Variants in PSD4 observed in about 807,000 individuals in gnomAD.
The protein encoded by PSD4 is PH and SEC7 domain-containing protein 4.
A neutral mutation model predicts 112.5 loss-of-function variants in PSD4; 59 were observed. That is an observed-to-expected ratio of 0.52 (90% CI 0.43 to 0.65). PSD4 has a LOEUF of 0.65. PSD4 is among the 30% of genes least tolerant of loss of function. PSD4 has a pLI of 0.00. For missense variants in PSD4, 1,267 were observed against 1,352.6 expected (o/e 0.94, Z 0.99); for synonymous variants, 533 against 540.0 (o/e 0.99, Z 0.18).
At chr2:113,181,640 C>T (rs60122815) in intron 1 of PSD4, among the ~76,000 whole-genome samples, 1 of 152,308 alleles carries the variant, frequency 6.6e-6, no homozygotes, top group African/African-American at 2.4e-5. Context: ...AGCAGGCAGT[C>T]TGCTGGGTGG....
chr2:113,184,180 T>C (rs569268510), intron 2 of PSD4, among the ~76,000 whole-genome samples: 1 of 152,124 alleles, frequency 6.6e-6, no homozygotes, highest in African/African-American at 2.4e-5. Context: ...AGTGTGGCTG[T>C]AATTTTCTAA....
intron 5 of PSD4, among the ~76,000 whole-genome samples, chr2:113,188,771 G>A (rs45488697): frequency 0.47 from 70,951 of 151,798 alleles, 19,477 homozygotes; most frequent in Middle Eastern, 0.68. Flanking sequence ...TAGTAGAGAC[G>A]GGGTTTCCCC....
chr2:113,177,937 G>A (rs1238919115), intron 1 of PSD4, among the ~76,000 whole-genome samples: 1 of 152,156 alleles, frequency 6.6e-6, no homozygotes, highest in Non-Finnish European at 1.5e-5. Flanking sequence ...GTCATAGCCG[G>A]CCAGGTGCTG....
Position 113,198,871 on chromosome 2 carries a change from C to G in PSD4, c.2756C>G (p.Ala919Gly). ...CGGCCCATCCTGCCCGTGGGCCCCG[C>G]CCAGAGCTCCCTGGTACGGCCTCCG... ...FVRPILPVGP[A>G]QSSLEEQHRS... The change falls in exon 15 of 17, where the codon GCC becomes GGC. Residue 919 changes from alanine to glycine, a missense_variant. Physicochemically the swap from Ala to Gly is moderately conservative, Grantham distance 60. Around this residue, in one of 2 missense-constraint regions of PSD4, gnomAD observed 544 missense variants for 648.6 expected, o/e 0.84. Coordinates refer to ENST00000245796, the MANE Select transcript of PSD4 (RefSeq NM_012455.3). The G allele has an allele frequency of 6.3e-7, 1 of 1,590,900 alleles. No individual in the cohort carries two copies. The highest frequency in any genetic ancestry group is 8.5e-7 in the Non-Finnish European group (1 of 1,175,540).
Position 113,198,814 on chromosome 2 carries a change from C to T in PSD4, c.2699C>T (p.Pro900Leu). ...AAATHSAPPF[P>L]AAVGSQRRFV... ...GCCACGCACTCCGCGCCGCCCTTCC[C>T]CGCCGCTGTGGGCTCCCAGCGCAGA... Residue 900 changes from proline to leucine, a missense_variant, in exon 15 of 17, where the codon CCC becomes CTC. Around this residue, in one of 2 missense-constraint regions of PSD4, gnomAD observed 544 missense variants for 648.6 expected, o/e 0.84. Transcript: ENST00000245796. 1 of 1,594,212 alleles carries T rather than the reference C, an allele frequency of 6.3e-7. No individual in the cohort carries two copies. The highest frequency in any genetic ancestry group is 8.5e-7 in the Non-Finnish European group (1 of 1,174,566).
intron 1 of PSD4, among the ~76,000 whole-genome samples, chr2:113,174,395 G>A (rs749227868): frequency 1.7e-4 from 26 of 152,350 alleles, no homozygotes; most frequent in Admixed American, 5.9e-4. Context: ...GGTGAAGGAA[G>A]CTCCTTGCTA....
In PSD4 at chr2:113,192,694, G is replaced by C. The variant is rs45540641; in HGVS notation, c.1838+105G>C. On this transcript the variant is annotated intron_variant, in intron 6 of 16. Coordinates refer to ENST00000245796, the MANE Select transcript of PSD4 (RefSeq NM_012455.3). ...ACCCTCCCCTTCCCGTCCCTGCCCT[G>C]TTCCCTTCCCATCTCCCCTCCTAAC... The C allele has an allele frequency of 3.4e-3, 4,153 of 1,214,558 alleles. 121 individuals are homozygous for C. The African/African-American group carries it at 0.058, about 17-fold the overall frequency. The allele number at this position is 1,214,558 out of a possible 1,614,324, so 75.2% of individuals were successfully genotyped here.
rs1382036205 is a variant in PSD4, at chr2:113,199,153, A to C, written c.2840A>C (p.Asn947Thr). ...AADDLLDLQR[N>T]LPERRGRGRE... ...GACGACCTGCTGGATCTACAGAGGAACCTGCCGGAGCGGCGGGGCCGTGGC... is the reference window on the plus strand; with the variant it reads ...GACGACCTGCTGGATCTACAGAGGACCCTGCCGGAGCGGCGGGGCCGTGGC... Residue 947 changes from asparagine (N) to threonine (T), a missense_variant, in exon 16 of 17, where the codon AAC becomes ACC. Transcript: ENST00000245796. 1.3e-6 allele frequency: 2 copies of C among 1,528,094 alleles called. No individual in the cohort carries two copies. The highest frequency in any genetic ancestry group is 1.7e-4 in the Middle Eastern group (1 of 5,950). 94.7% of individuals were successfully genotyped at this position (1,528,094 alleles called of 1,614,324 possible).
intron 5 of PSD4, among the ~76,000 whole-genome samples, chr2:113,192,108 G>A (rs1002496073): frequency 7.2e-5 from 11 of 151,804 alleles, no homozygotes; most frequent in African/African-American, 2.4e-4. Context: ...CCTGCCACCT[G>A]AGGTGAGATA....
Position 113,182,994 on chromosome 2 carries a change from C to T in PSD4, c.538C>T (p.Leu180Phe), listed in dbSNP as rs760178639. 1 of 1,614,158 alleles carries T rather than the reference C, an allele frequency of 6.2e-7. No homozygotes were observed. Among genetic ancestry groups the T allele is most frequent in the African/African-American group, 1.3e-5 (1 of 75,046 alleles). ...GGAGGAGCTGGAGAAGACGGAAGGG[C>T]TCAAGGCTGGGCTGAAATGCTGTCT... Reference protein sequence around the residue: ...LEEELEKTEGLKAGLKCCLPT... With the variant: ...LEEELEKTEGFKAGLKCCLPT... The change falls in exon 2 of 17, where the codon CTC (leucine) becomes TTC (phenylalanine). Residue 180 changes from leucine (L) to phenylalanine (F), a missense_variant. Physicochemically the swap from Leu to Phe is conservative, Grantham distance 22. This residue lies in a region of PSD4 where 723 missense variants were observed against 704.0 expected (regional missense o/e 1.03). Transcript: ENST00000245796.
At position 113,193,951 on chromosome 2, in the gene PSD4, A is replaced by G. The variant is rs576259350; in HGVS notation, c.2181+3A>G. On this transcript the variant is annotated splice_donor_region_variant and intron_variant, in intron 10 of 16. Coordinates refer to ENST00000245796, the MANE Select transcript of PSD4 (RefSeq NM_012455.3). ...ACTTCCCCAAGGAGCTGCTGAAGGTATGTGCCACGGGGTCTTCTTATGAGC... is the reference window on the plus strand; with the variant it reads ...ACTTCCCCAAGGAGCTGCTGAAGGTGTGTGCCACGGGGTCTTCTTATGAGC... The G allele has an allele frequency of 1.2e-6, 2 of 1,613,848 alleles. No individual in the cohort carries two copies. Among genetic ancestry groups the G allele is most frequent in the South Asian group, 2.2e-5 (2 of 91,080 alleles).
In PSD4 at chr2:113,182,431, A is replaced by G. The variant is rs1380379643; in HGVS notation, c.-26A>G. The G allele has an allele frequency of 1.3e-6, 2 of 1,564,376 alleles. No individual in the cohort carries two copies. The highest frequency in any genetic ancestry group is 4.5e-5 in the East Asian group (2 of 44,314). ...ACCGTGAAAGCAGATGCTCCGGGGCACTCCTGGGCAGCTTTTGCTCAGTGG... is the reference window on the plus strand; with the variant it reads ...ACCGTGAAAGCAGATGCTCCGGGGCGCTCCTGGGCAGCTTTTGCTCAGTGG... On this transcript the variant is annotated 5_prime_UTR_variant, in exon 2 of 17. Coordinates refer to ENST00000245796, the MANE Select transcript of PSD4 (RefSeq NM_012455.3).
Position 113,182,330 on chromosome 2 carries a change from C to A in PSD4, c.-111-16C>A. ...ACAGCCCTTCCCTAACCTGCACTTG[C>A]TTTGGGCATTTCCAGGGTAGATATG... On this transcript the variant is annotated splice_polypyrimidine_tract_variant and intron_variant, in intron 1 of 16. Coordinates refer to ENST00000245796, the MANE Select transcript of PSD4 (RefSeq NM_012455.3). 1.1e-6 allele frequency: 1 copy of A among 937,270 alleles called. No homozygotes were observed. Among genetic ancestry groups the A allele is most frequent in the Non-Finnish European group, 1.6e-6 (1 of 624,186 alleles). 58.1% of individuals were successfully genotyped at this position (937,270 alleles called of 1,614,324 possible).
At chr2:113,199,901 C>T (rs921772449) in intron 16 of PSD4, among the ~76,000 whole-genome samples, 1 of 152,206 alleles carries the variant, frequency 6.6e-6, no homozygotes, top group African/African-American at 2.4e-5. Flanking sequence ...TCTCAGCTCC[C>T]TGCAACCTCC....
intron 5 of PSD4, among the ~76,000 whole-genome samples, chr2:113,189,047 T>C (rs1199835355): frequency 1.3e-5 from 2 of 152,184 alleles, no homozygotes; most frequent in South Asian, 4.1e-4. Flanking sequence ...TAGTCTTTTA[T>C]CCTTTAACCG....
At chr2:113,188,503 T>C (rs1222174252) in intron 5 of PSD4, among the ~76,000 whole-genome samples, 1 of 152,194 alleles carries the variant, frequency 6.6e-6, no homozygotes, top group East Asian at 1.9e-4. Context: ...TCGAATCCAC[T>C]CGCCTCAGTC....
rs1321354007 is a variant in PSD4 at position 113,182,943 on chromosome 2, G to A, written c.487G>A (p.Ala163Thr). Residue 163 changes from alanine to threonine, a missense_variant, in exon 2 of 17, where the codon GCC becomes ACC. Ala to Thr is a moderately conservative substitution (Grantham distance 58, BLOSUM62 0). Coordinates refer to ENST00000245796, the MANE Select transcript of PSD4 (RefSeq NM_012455.3). ...QVVFWAGILQ[A>T]QMCVLDLEEE... is the part of the protein sequence containing the mutation. ...AGTGTTCTGGGCAGGCATCCTGCAGGCCCAGATGTGTGTCCTAGACCTGGA... is the reference window on the plus strand; with the variant it reads ...AGTGTTCTGGGCAGGCATCCTGCAGACCCAGATGTGTGTCCTAGACCTGGA... 2.5e-6 allele frequency: 4 copies of A among 1,614,222 alleles called. No individual in the cohort carries two copies. The highest frequency in any genetic ancestry group is 3.4e-6 in the Non-Finnish European group (4 of 1,180,042).
At chr2:113,185,760 A>C (rs753743979) in intron 4 of PSD4, 117 bp from the exon 5 acceptor site, 4 of 1,550,248 alleles carry the variant, frequency 2.6e-6, no homozygotes, top group Non-Finnish European at 3.5e-6. Context: ...GAGGGAGGAC[A>C]GGGCATGCTG....
chr2:113,197,456 C>A, intron 12 of PSD4, 108 bp from the exon 13 acceptor site: 2 of 1,113,798 alleles, frequency 1.8e-6, no homozygotes, highest in Non-Finnish European at 2.7e-6. Context: ...TGGTGAGAGA[C>A]TGGAGGTGGT....
Sources: allele counts gnomAD v4.1 joint callset (sites outside exome capture counted in the v4.1 genomes callset), GRCh38; gene constraint gnomAD v4.1.1; regional missense constraint gnomAD v4.1.1; transcripts MANE v1.5; gene names NCBI Gene and HGNC (gene_info 2026-07-23, HGNC 2026-07-21).